The following CMTM7 variants were observed in gnomAD, a reference collection of about 807,000 sequenced individuals.
CMTM7 encodes the protein CKLF like MARVEL transmembrane domain containing 7, also known as CKLF-like MARVEL transmembrane domain-containing protein 7.
Under a neutral mutation model 19.3 loss-of-function variants are expected in CMTM7, and 7 were observed. The observed-to-expected ratio is 0.36, with a 90% CI of 0.21 to 0.68. The LOEUF (loss-of-function observed/expected upper bound fraction) is 0.68, where lower values mean the gene tolerates loss of function less well. Ranked by LOEUF, CMTM7 falls within the 30% of genes least tolerant of loss-of-function variation. CMTM7 has a pLI of 0.60. For missense variants in CMTM7, 193 were observed against 232.6 expected (o/e 0.83, Z 1.11); for synonymous variants, 87 against 99.3 (o/e 0.88, Z 0.74).
At chr3:32,423,127 C>T (rs1036762657) in intron 1 of CMTM7, among the ~76,000 whole-genome samples, 5 of 152,168 alleles carry the variant, frequency 3.3e-5, no homozygotes, top group Non-Finnish European at 7.3e-5. Context: ...TGGCTGCTGT[C>T]ATCTGATCTG....
At chr3:32,392,430 G>C (rs1447363073) in intron 1 of CMTM7, among the ~76,000 whole-genome samples, 1 of 152,232 alleles carries the variant, frequency 6.6e-6, no homozygotes, top group Admixed American at 6.5e-5. Context: ...CTTCGAACCC[G>C]AGCCGGGGGT....
chr3:32,402,933 T>G (rs182233143), intron 1 of CMTM7, among the ~76,000 whole-genome samples: 5 of 152,358 alleles, frequency 3.3e-5, no homozygotes, highest in African/African-American at 1.2e-4. Flanking sequence ...AGAAGTTAAT[T>G]AAATGCTTTT....
intron 1 of CMTM7, among the ~76,000 whole-genome samples, chr3:32,436,824 A>G (rs1696604623): frequency 6.6e-6 from 1 of 152,066 alleles, no homozygotes; most frequent in Non-Finnish European, 1.5e-5. Context: ...GTGGCAGGAG[A>G]CAGGGTCCTG....
chr3:32,435,173 G>A (rs1176485862), intron 1 of CMTM7, among the ~76,000 whole-genome samples: 1 of 152,210 alleles, frequency 6.6e-6, no homozygotes, highest in Non-Finnish European at 1.5e-5. Context: ...GGAGGCCGAG[G>A]CGGGTGGATC....
At chr3:32,430,202 C>A (rs1053105550) in intron 1 of CMTM7, among the ~76,000 whole-genome samples, 2 of 152,212 alleles carry the variant, frequency 1.3e-5, no homozygotes, top group African/African-American at 4.8e-5. Context: ...CACACCCCCC[C>A]CAAAAGATCC....
chr3:32,417,440 T>C (rs1696284104), intron 1 of CMTM7, among the ~76,000 whole-genome samples: 1 of 152,224 alleles, frequency 6.6e-6, no homozygotes, highest in African/African-American at 2.4e-5. Context: ...TTCCATGATA[T>C]GGATATGTGT....
chr3:32,405,718 T>C (rs1696082823), intron 1 of CMTM7, among the ~76,000 whole-genome samples: 1 of 152,166 alleles, frequency 6.6e-6, no homozygotes, highest in Non-Finnish European at 1.5e-5. Context: ...TCTATGCCAC[T>C]GCACTTCAGC....
At position 32,449,484 on chromosome 3, in the gene CMTM7, C is replaced by T. The variant is rs754987313; in HGVS notation, c.364C>T (p.Leu122Phe). ...ELLHYLIGTL[L>F]LLIASIVAAS... The stretch of plus-strand genomic sequence containing the variant: ...TCTGCACTATTTAATCGGTACCCTG[C>T]TCCTCCTCATCGCCTCCATTGTGGC... Residue 122 changes from leucine to phenylalanine, a missense_variant, in exon 3 of 5, where the codon CTC (leucine) becomes TTC (phenylalanine). By Grantham distance (22) the Leu-to-Phe change is conservative. Coordinates refer to ENST00000334983, the MANE Select transcript of CMTM7 (RefSeq NM_138410.4). This position sits in a 1 kb window ranked among gnomAD's most constrained non-coding sequence, Gnocchi z 4.5. 19 of 1,614,126 alleles carry T rather than the reference C, an allele frequency of 1.2e-5. No homozygotes were observed. The highest frequency in any genetic ancestry group is 4.5e-5 in the East Asian group (2 of 44,892).
chr3:32,454,289 G>A lies in CMTM7; in HGVS notation c.*35G>A. On this transcript the variant is annotated 3_prime_UTR_variant, in exon 5 of 5. Transcript: ENST00000334983. ...AACCCCTAGGCCCCTCAGGAGCTTT[G>A]CAGAGAGGAGGACGTGTACTCCAGG... 1 of 1,613,830 alleles carries A rather than the reference G, an allele frequency of 6.2e-7. No homozygotes were observed. The highest frequency in any genetic ancestry group is 8.5e-7 in the Non-Finnish European group (1 of 1,179,798).
chr3:32,415,160 C>T (rs900227599), intron 1 of CMTM7, among the ~76,000 whole-genome samples: 2 of 152,028 alleles, frequency 1.3e-5, no homozygotes, highest in African/African-American at 4.8e-5. Flanking sequence ...CGCCACTGCA[C>T]TCCAGCCTGG....
At chr3:32,425,842 C>T (rs1338970160) in intron 1 of CMTM7, among the ~76,000 whole-genome samples, 2 of 152,162 alleles carry the variant, frequency 1.3e-5, no homozygotes, top group Non-Finnish European at 2.9e-5. Flanking sequence ...GGCACCTGGT[C>T]ACAAGCATAA....
chr3:32,416,308 G>C (rs934341848), intron 1 of CMTM7, among the ~76,000 whole-genome samples: 1 of 148,078 alleles, frequency 6.8e-6, no homozygotes, highest in African/African-American at 2.5e-5. Flanking sequence ...AAGCAATTCT[G>C]CCTCAGCCTC....
rs930457090 is a variant in CMTM7 at position 32,448,882 on chromosome 3, GTCTGA to G, written c.334-571_334-567del. On this transcript the variant is annotated intron_variant, in intron 2 of 4. Transcript: ENST00000334983. ...GAAGTGCCACTGACCTCATTCTAGA[GTCTGA>G]GTCTGACGGGACCCTGGGAATGAAT... is the stretch of plus-strand genomic sequence containing the variant. Among the ~76,000 whole-genome samples the G allele has an allele frequency of 2.8e-4, 43 of 152,032 alleles. 1 individual carries two copies. The highest frequency in any genetic ancestry group is 9.4e-4 in the African/African-American group (39 of 41,438).
At chr3:32,426,018 G>A (rs544108353) in intron 1 of CMTM7, among the ~76,000 whole-genome samples, 8 of 152,240 alleles carry the variant, frequency 5.3e-5, no homozygotes, top group East Asian at 1.9e-4. Context: ...GGTGGCGCAC[G>A]CCTATAATCC....
chr3:32,416,345 G>A (rs1044718017), intron 1 of CMTM7, among the ~76,000 whole-genome samples: 5 of 143,996 alleles, frequency 3.5e-5, no homozygotes, highest in South Asian at 2.2e-4. Flanking sequence ...ACAGACGTGC[G>A]CCACCATCCG....
At chr3:32,409,817 C>T (rs1559403200) in intron 1 of CMTM7, among the ~76,000 whole-genome samples, 1 of 152,172 alleles carries the variant, frequency 6.6e-6, no homozygotes. Flanking sequence ...TCACAAAAGT[C>T]CCTTTTGCAA....
At chr3:32,402,176 A>G (rs369250920) in intron 1 of CMTM7, among the ~76,000 whole-genome samples, 79 of 152,244 alleles carry the variant, frequency 5.2e-4, no homozygotes, top group African/African-American at 1.6e-3. Context: ...CAGTGGTGCA[A>G]TCTTGGCTCA....
intron 1 of CMTM7, among the ~76,000 whole-genome samples, chr3:32,399,267 T>TTTG: frequency 6.6e-6 from 1 of 151,920 alleles, no homozygotes; most frequent in African/African-American, 2.4e-5. Context: ...CCTTTTGTTT[T>TTTG]TTTTTTTTTT....
rs114163317 is a variant in CMTM7 at position 32,426,973 on chromosome 3, T to C, written c.160-14867T>C. 3.2e-3 allele frequency among the ~76,000 whole-genome samples: 494 copies of C among 152,376 alleles called. 3 individuals carry two copies. The highest frequency in any genetic ancestry group is 0.011 in the African/African-American group (468 of 41,600). On this transcript the variant is annotated intron_variant, in intron 1 of 4. Coordinates refer to ENST00000334983, the MANE Select transcript of CMTM7 (RefSeq NM_138410.4). ...TATACTTACTTTGTGTCAAGCACAGTGCTTTATATGTATTGACTGATTTTA... is the reference window on the plus strand; with the variant it reads ...TATACTTACTTTGTGTCAAGCACAGCGCTTTATATGTATTGACTGATTTTA...
Sources: gnomAD v4.1 joint callset for allele counts (sites outside exome capture counted in the v4.1 genomes callset) on GRCh38, gnomAD v4.1.1 for gene constraint, Gnocchi (gnomAD v3.1) non-coding constraint, MANE v1.5 for transcripts, NCBI Gene and HGNC (gene_info 2026-07-23, HGNC 2026-07-21) for gene names.